ZNF644: variants seen among roughly 807,000 people sequenced by gnomAD.
ZNF644 encodes zinc finger protein 644.
ZNF644 carries 20 observed loss-of-function variants against 108.0 expected under a neutral mutation model. The ratio of observed to expected loss-of-function variants is 0.19; its 90% confidence interval spans 0.13 to 0.27. The LOEUF (loss-of-function observed/expected upper bound fraction) is 0.27, where lower values mean the gene tolerates loss of function less well. ZNF644 is among the 10% of genes least tolerant of loss of function. ZNF644 has a pLI of 1.00. For missense variants in ZNF644, 1,338 were observed against 1,548.9 expected (o/e 0.86, Z 2.29); for synonymous variants, 542 against 539.1 (o/e 1.01, Z -0.08).
At chr1:90,993,350 A>C (rs1657821511) in intron 1 of ZNF644, among the ~76,000 whole-genome samples, 1 of 151,690 alleles carries the variant, frequency 6.6e-6, no homozygotes, top group African/African-American at 2.4e-5. Flanking sequence ...CAATGCCCAA[A>C]TATATCAGAG....
Position 90,939,125 on chromosome 1 carries a change from T to C in ZNF644, c.2229A>G (p.Lys743=). ...KANSHYLYRH[K]YENYRMIKKS... ...TTTTGATCATCCTATAGTTTTCATA[T>C]TTGTGTCTATACAAATAGTGGCTAT... The change falls in exon 3 of 6, where the codon AAA becomes AAG. Residue 743 remains lysine, a synonymous_variant. Transcript: ENST00000337393. 2 of 1,613,836 alleles carry C rather than the reference T, an allele frequency of 1.2e-6. No individual in the cohort carries two copies. Among genetic ancestry groups the C allele is most frequent in the Non-Finnish European group, 1.7e-6 (2 of 1,179,884 alleles).
Position 90,941,224 on chromosome 1 carries a change from C to A in ZNF644, c.130G>T (p.Asp44Tyr). The stretch of plus-strand genomic sequence containing the variant: ...TTGTCTGAGATAAAATTGTTGTCAT[C>A]TAGGAGTTCTTCTTTAGCACCAGTA... ...DITGAKEELL[D>Y]DNNFISDKES... Residue 44 changes from aspartate (D) to tyrosine (Y), a missense_variant, in exon 3 of 6, where the codon GAT (aspartate) becomes TAT (tyrosine). This residue lies in a region of ZNF644 where 464 missense variants were observed against 457.9 expected (regional missense o/e 1.01). Coordinates refer to ENST00000337393, the MANE Select transcript of ZNF644 (RefSeq NM_201269.3). 6.2e-7 allele frequency: 1 copy of A among 1,604,108 alleles called. No homozygotes were observed. The highest frequency in any genetic ancestry group is 8.5e-7 in the Non-Finnish European group (1 of 1,177,034).
chr1:90,934,236 G>C (rs529630936), intron 4 of ZNF644, among the ~76,000 whole-genome samples: 82 of 152,184 alleles, frequency 5.4e-4, no homozygotes, highest in African/African-American at 1.9e-3. Context: ...CTGGTCATTT[G>C]TATATCAAGT....
intron 1 of ZNF644, among the ~76,000 whole-genome samples, chr1:90,998,100 T>C (rs1356175133): frequency 2.6e-5 from 4 of 152,216 alleles, no homozygotes; most frequent in Non-Finnish European, 4.4e-5. Context: ...TGCCTGCCTC[T>C]GTAGACTCCA....
rs116590579 is a variant in ZNF644, at chr1:90,955,711, G to T, written c.45-14402C>A. Among the ~76,000 whole-genome samples the T allele has an allele frequency of 7.0e-3, 1,065 of 152,318 alleles. 15 individuals carry two copies. The highest frequency in any genetic ancestry group is 0.024 in the African/African-American group (1,011 of 41,568). On this transcript the variant is annotated intron_variant, in intron 2 of 5. Transcript: ENST00000337393. ...GATCTGGATTAAGCTTTTGCTTAAG[G>T]GAATGTTGTGGCTGGTTTGATCTTC...
At chr1:90,943,333 C>G (rs1557579220) in intron 2 of ZNF644, among the ~76,000 whole-genome samples, 1 of 151,870 alleles carries the variant, frequency 6.6e-6, no homozygotes, top group Admixed American at 6.6e-5. Context: ...CCCAGCTACT[C>G]GAGAGGCTGA....
chr1:90,923,272 TGGG>T (rs1649670364), intron 4 of ZNF644, among the ~76,000 whole-genome samples: 1 of 152,024 alleles, frequency 6.6e-6, no homozygotes, highest in Admixed American at 6.6e-5. Context: ...ATAGCAGCCC[TGGG>T]ACCTGAGTAT....
chr1:90,974,329 C>CA (rs879345498), intron 2 of ZNF644, among the ~76,000 whole-genome samples: 87 of 145,774 alleles, frequency 6.0e-4, no homozygotes, highest in African/African-American at 1.2e-3. Flanking sequence ...ACTCTTGTCT[C>CA]AAAAAAAAAA....
rs1300961931 is a variant in ZNF644 at position 90,941,069 on chromosome 1, A to C, written c.285T>G (p.Phe95Leu). The change falls in exon 3 of 6, where the codon TTT becomes TTG. Residue 95 changes from phenylalanine to leucine, a missense_variant. Transcript: ENST00000337393. ...NALSGGQSSL[F>L]IHAGAPTVSS... ...AAACAGTAGGAGCACCAGCATGTATAAATAGACTAGACTGGCCTCCACTTA... is the reference window on the plus strand; with the variant it reads ...AAACAGTAGGAGCACCAGCATGTATCAATAGACTAGACTGGCCTCCACTTA... 1 of 1,614,054 alleles carries C rather than the reference A, an allele frequency of 6.2e-7. No homozygotes were observed. Among genetic ancestry groups the C allele is most frequent in the Non-Finnish European group, 8.5e-7 (1 of 1,179,994 alleles).
chr1:90,952,478 T>C (rs1361725666), intron 2 of ZNF644, among the ~76,000 whole-genome samples: 1 of 152,152 alleles, frequency 6.6e-6, no homozygotes, highest in Non-Finnish European at 1.5e-5. Context: ...GGCATTTTTT[T>C]CAAAACACAG....
At chr1:90,921,883 C>T (rs761552642) in intron 4 of ZNF644, among the ~76,000 whole-genome samples, 5 of 152,042 alleles carry the variant, frequency 3.3e-5, no homozygotes, top group East Asian at 1.9e-4. Flanking sequence ...ATGACCATGA[C>T]GACAACAACA....
intron 4 of ZNF644, 85 bp downstream of exon 4, chr1:90,937,400 G>A: frequency 1.3e-6 from 2 of 1,568,802 alleles, no homozygotes; most frequent in Non-Finnish European, 1.7e-6. Flanking sequence ...TTGTGAGAAA[G>A]TATTTTCCAC....
intron 2 of ZNF644, among the ~76,000 whole-genome samples, chr1:90,965,573 TG>T (rs1176267128): frequency 1.3e-5 from 2 of 152,330 alleles, no homozygotes; most frequent in East Asian, 3.9e-4. Context: ...CTGAAATTTT[TG>T]TATATTTTTC....
intron 1 of ZNF644, among the ~76,000 whole-genome samples, chr1:90,995,565 C>A (rs1012892874): frequency 1.3e-5 from 2 of 151,938 alleles, no homozygotes; most frequent in African/African-American, 4.8e-5. Flanking sequence ...AGAATATACA[C>A]AAAGAGCCAC....
At chr1:91,006,920 A>G (rs1659480609) in intron 1 of ZNF644, among the ~76,000 whole-genome samples, 1 of 152,086 alleles carries the variant, frequency 6.6e-6, no homozygotes, top group African/African-American at 2.4e-5. Context: ...CTCCTCCCAC[A>G]CTTGATAGCT....
intron 1 of ZNF644, among the ~76,000 whole-genome samples, chr1:91,020,261 A>G (rs1044617174): frequency 6.6e-6 from 1 of 152,114 alleles, no homozygotes; most frequent in East Asian, 1.9e-4. Context: ...CAAGGAAATG[A>G]AAGTTAACTA....
Position 90,938,929 on chromosome 1 carries a change from T to C in ZNF644, c.2425A>G (p.Lys809Glu). Residue 809 changes from lysine (K) to glutamate (E), a missense_variant, in exon 3 of 6, where the codon AAG becomes GAG. Around this residue, in one of 6 missense-constraint regions of ZNF644, gnomAD observed 462 missense variants for 472.6 expected, o/e 0.98. Coordinates refer to ENST00000337393, the MANE Select transcript of ZNF644 (RefSeq NM_201269.3). The surrounding 1 kb of genome is among the most constrained non-coding windows in gnomAD (Gnocchi z 4.2). ...SFKDHRRVAVKRVIKESKKES... is the reference protein window; with the variant it reads ...SFKDHRRVAVERVIKESKKES... ...TTCTTAGATTCCTTAATTACTCTCT[T>C]TACAGCTACACGTCTGTGATCTTTG... The C allele has an allele frequency of 6.2e-7, 1 of 1,614,054 alleles. No individual in the cohort carries two copies. Among genetic ancestry groups the C allele is most frequent in the African/African-American group, 1.3e-5 (1 of 75,058 alleles).
intron 2 of ZNF644, among the ~76,000 whole-genome samples, chr1:90,955,425 C>T (rs1489940142): frequency 2.6e-5 from 4 of 152,150 alleles, no homozygotes; most frequent in African/African-American, 9.7e-5. Flanking sequence ...ATGGCATCTT[C>T]TTCTTGTAGA....
chr1:90,984,752 A>C (rs916367320), intron 1 of ZNF644, among the ~76,000 whole-genome samples: 1 of 152,178 alleles, frequency 6.6e-6, no homozygotes, highest in African/African-American at 2.4e-5. Flanking sequence ...GCTCTCTGCA[A>C]AAGAGAGATG....
Sources: allele counts gnomAD v4.1 joint callset (sites outside exome capture counted in the v4.1 genomes callset), GRCh38; gene constraint gnomAD v4.1.1; regional missense constraint gnomAD v4.1.1; non-coding constraint Gnocchi (gnomAD v3.1); transcripts MANE v1.5; gene names NCBI Gene and HGNC (gene_info 2026-07-23, HGNC 2026-07-21).